Variants in VPS13A observed in about 807,000 individuals in gnomAD.
The protein encoded by VPS13A is intermembrane lipid transfer protein VPS13A.
In VPS13A, 264 loss-of-function variants were observed where a neutral mutation model predicts 390.9. That is an observed-to-expected ratio of 0.68 (90% CI 0.61 to 0.75). VPS13A has a LOEUF of 0.75. Ranked by LOEUF, VPS13A falls within the 30% of genes least tolerant of loss-of-function variation. The probability of loss-of-function intolerance (pLI) is 0.00; values close to 1 mark genes in which losing one functional copy is unlikely to be tolerated. For missense variants in VPS13A, 3,409 were observed against 3,733.9 expected (o/e 0.91, Z 2.27); for synonymous variants, 1,231 against 1,227.1 (o/e 1.00, Z -0.07).
At chr9:77,265,003 T>A (rs1587451653) in intron 23 of VPS13A, among the ~76,000 whole-genome samples, 1 of 152,228 alleles carries the variant, frequency 6.6e-6, no homozygotes, top group East Asian at 1.9e-4. Flanking sequence ...GTTTTTAGCA[T>A]GAAGGGTGTT....
chr9:77,321,864 T>C, intron 44 of VPS13A, 118 bp downstream of exon 44: 1 of 1,239,560 alleles, frequency 8.1e-7, no homozygotes, highest in South Asian at 1.4e-5. Context: ...TTTTGTTTTT[T>C]TAAAATATCC....
chr9:77,316,671 A>G (rs1006446768), intron 39 of VPS13A, among the ~76,000 whole-genome samples: 9 of 152,086 alleles, frequency 5.9e-5, no homozygotes, highest in East Asian at 3.8e-4. Flanking sequence ...GTTAAGATCT[A>G]CTTTGACTTT....
In VPS13A at chr9:77,316,376, T is replaced by G. The variant is rs2131433199; in HGVS notation, c.4833T>G (p.Leu1611=). Residue 1611 remains leucine (L), a synonymous_variant, in exon 39 of 72, where the codon CTT becomes CTG. Transcript: ENST00000360280. ...TCCAAGTGAGAGCCTGCCCGTTTCT[T>G]CCAGTCAAGAGAAAAGGCAAAATCA... is the stretch of plus-strand genomic sequence containing the variant. ...KDLQVRACPF[L]PVKRKGKITT... The G allele has an allele frequency of 1.2e-6, 2 of 1,613,010 alleles. No individual in the cohort carries two copies. The highest frequency in any genetic ancestry group is 1.7e-6 in the Non-Finnish European group (2 of 1,179,254).
chr9:77,260,278 G>T, intron 23 of VPS13A, 54 bp downstream of exon 23: 1 of 1,507,650 alleles, frequency 6.6e-7, no homozygotes. Context: ...TCCACAAATA[G>T]TATTTCAAAC....
intron 17 of VPS13A, among the ~76,000 whole-genome samples, chr9:77,234,524 T>C (rs1451375120): frequency 2.0e-5 from 3 of 152,354 alleles, no homozygotes; most frequent in African/African-American, 7.2e-5. Context: ...CATTTTTGAC[T>C]TGGAATATTT....
chr9:77,366,843 A>G lies in VPS13A; in HGVS notation c.8442A>G (p.Thr2814=). The change falls in exon 61 of 72, where the codon ACA becomes ACG. Residue 2814 remains threonine, a synonymous_variant. Transcript: ENST00000360280. The part of the protein sequence containing the change: ...LNLLLKSIGA[T]LTDVQDVVFK... Reference sequence around the variant, plus strand: ...TTTTGCTGAAGAGTATTGGTGCCACACTGACAGATGTACAAGATGTAGTTT... The same window carrying G: ...TTTTGCTGAAGAGTATTGGTGCCACGCTGACAGATGTACAAGATGTAGTTT... 6.2e-7 allele frequency: 1 copy of G among 1,613,320 alleles called. No individual in the cohort carries two copies. The highest frequency in any genetic ancestry group is 1.3e-5 in the African/African-American group (1 of 75,038).
chr9:77,348,279 A>G (rs1432063015), intron 52 of VPS13A, among the ~76,000 whole-genome samples: 2 of 152,196 alleles, frequency 1.3e-5, no homozygotes, highest in Admixed American at 6.5e-5. Flanking sequence ...TACACCATGG[A>G]TACTATGCAG....
chr9:77,215,000 A>G (rs1822773276), intron 10 of VPS13A, among the ~76,000 whole-genome samples: 1 of 152,264 alleles, frequency 6.6e-6, no homozygotes, highest in East Asian at 1.9e-4. Context: ...TCCTGAGTTC[A>G]GGCAATCTGC....
In VPS13A at chr9:77,319,620, C is replaced by T. The variant is rs768823058; in HGVS notation, c.5362C>T (p.Pro1788Ser). ...TGGTGTATGGGAGCCTTTGCTTGAA[C>T]CCTTAGAAATTGATCAGACTGAGGA... ...MFGVWEPLLE[P>S]LEIDQTEDFR... Residue 1788 changes from proline to serine, a missense_variant, in exon 42 of 72, where the codon CCC becomes TCC. By Grantham distance (74) the Pro-to-Ser change is moderately conservative (BLOSUM62 -1). Transcript: ENST00000360280. 5.6e-6 allele frequency: 9 copies of T among 1,612,238 alleles called. No individual in the cohort carries two copies. The East Asian group carries it at 1.8e-4, about 32-fold the overall frequency.
chr9:77,334,985 G>A (rs143252920), intron 46 of VPS13A, among the ~76,000 whole-genome samples: 12 of 152,234 alleles, frequency 7.9e-5, no homozygotes, highest in Non-Finnish European at 1.5e-4. Context: ...GGTAGAGTGG[G>A]TTCAGTGTTC....
intron 53 of VPS13A, among the ~76,000 whole-genome samples, chr9:77,352,731 A>G (rs1379188639): frequency 6.6e-6 from 1 of 152,128 alleles, no homozygotes; most frequent in East Asian, 1.9e-4. Context: ...TAAGGTAAGT[A>G]TCCCCAGATA....
At chr9:77,389,708 C>G (rs1833831625) in intron 68 of VPS13A, 2 of 152,044 alleles carry the variant, frequency 1.3e-5, no homozygotes, top group African/African-American at 2.4e-5. Flanking sequence ...TTAAGTAAAT[C>G]TTTTAAAATG....
intron 68 of VPS13A, among the ~76,000 whole-genome samples, chr9:77,386,992 C>T (rs1833715887): frequency 6.6e-6 from 1 of 151,778 alleles, no homozygotes; most frequent in African/African-American, 2.4e-5. Context: ...GCGTGAGCCA[C>T]CGCACCCAGC....
chr9:77,317,735 C>A, intron 40 of VPS13A, 37 bp downstream of exon 40: 1 of 1,480,014 alleles, frequency 6.8e-7, no homozygotes, highest in Non-Finnish European at 9.2e-7. Flanking sequence ...ATTTAGTGCA[C>A]TTAAAAAAAG....
intron 19 of VPS13A, 98 bp downstream of exon 19, chr9:77,238,484 A>G (rs2131231917): frequency 2.1e-6 from 2 of 945,452 alleles, no homozygotes; most frequent in East Asian, 2.6e-5. Context: ...TTTTAAATTT[A>G]TTATATTTCT....
intron 15 of VPS13A, 137 bp downstream of exon 15, chr9:77,226,735 AT>A (rs1431449708): frequency 6.2e-5 from 45 of 726,444 alleles, no homozygotes; most frequent in Non-Finnish European, 8.7e-5. Context: ...AAATAAAACT[AT>A]TAAAACATTG....
chr9:77,317,246 TTCTC>T (rs1209125808), intron 39 of VPS13A, among the ~76,000 whole-genome samples: 1 of 152,006 alleles, frequency 6.6e-6, no homozygotes, highest in Non-Finnish European at 1.5e-5. Flanking sequence ...GGTATACCAA[TTCTC>T]TCTTAGTTTT....
chr9:77,192,900 G>A (rs1351114453), intron 1 of VPS13A, among the ~76,000 whole-genome samples: 1 of 152,102 alleles, frequency 6.6e-6, no homozygotes, highest in African/African-American at 2.4e-5. Context: ...TAGCTAGGAT[G>A]GGGAAATTTT....
At chr9:77,241,960 T>C (rs2131244673) in intron 19 of VPS13A, among the ~76,000 whole-genome samples, 1 of 152,318 alleles carries the variant, frequency 6.6e-6, no homozygotes, top group South Asian at 2.1e-4. Context: ...GAGTGTCCTT[T>C]AAGATTTCAG....
Sources: gnomAD v4.1 joint callset for allele counts (sites outside exome capture counted in the v4.1 genomes callset) on GRCh38, gnomAD v4.1.1 for gene constraint, MANE v1.5 for transcripts, NCBI Gene and HGNC (gene_info 2026-07-23, HGNC 2026-07-21) for gene names.